The following EXOC6B variants were observed in gnomAD, a reference collection of about 807,000 sequenced individuals.
EXOC6B encodes the protein exocyst complex component 6B.
In EXOC6B, 54 loss-of-function variants were observed where a neutral mutation model predicts 113.5. That is an observed-to-expected ratio of 0.48 (90% CI 0.38 to 0.60). The LOEUF (loss-of-function observed/expected upper bound fraction) is 0.60, where lower values mean the gene tolerates loss of function less well. Among genes scored for constraint, EXOC6B ranks in the 20% least tolerant of loss-of-function variants. EXOC6B has a pLI of 0.00. For missense variants in EXOC6B, 797 were observed against 977.5 expected (o/e 0.82, Z 2.46); for synonymous variants, 357 against 339.0 (o/e 1.05, Z -0.58).
intron 6 of EXOC6B, among the ~76,000 whole-genome samples, chr2:72,636,353 GAAGGAAGGAAGGAAGGAAGC>G (rs1383132791): frequency 0.033 from 4,363 of 131,964 alleles, 249 homozygotes; most frequent in African/African-American, 0.13. Flanking sequence ...AGGAAGGAAG[GAAGGAAGGAAGGAAGGAAGC>G]AAGGAAGCAA....
At position 72,434,432 on chromosome 2, in the gene EXOC6B, G is replaced by A. The variant is rs534097584; in HGVS notation, c.1980+30728C>T. Among the ~76,000 whole-genome samples, 12 of 152,282 alleles carry A rather than the reference G, an allele frequency of 7.9e-5. No homozygotes were observed. In the South Asian group the frequency reaches 2.1e-3, roughly 26 times the overall value. ...ATGTTAGCCTCATAAAATGAGTTAG[G>A]GAGGAGTCCCTCTTTTACTATTGGT... On this transcript the variant is annotated intron_variant, in intron 18 of 21. Transcript: ENST00000272427.
At chr2:72,744,927 T>C (rs182564974) in intron 1 of EXOC6B, among the ~76,000 whole-genome samples, 14 of 152,318 alleles carry the variant, frequency 9.2e-5, no homozygotes, top group Admixed American at 9.1e-4. Flanking sequence ...CCTGACTATG[T>C]GGCCTTCATC....
intron 18 of EXOC6B, among the ~76,000 whole-genome samples, chr2:72,403,340 C>G (rs1330294556): frequency 1.3e-5 from 2 of 152,164 alleles, no homozygotes; most frequent in East Asian, 3.9e-4. Context: ...AGTGTCTTCA[C>G]TGAAGTGGCT....
chr2:72,461,264 C>G (rs1055326235), intron 18 of EXOC6B, among the ~76,000 whole-genome samples: 3 of 147,008 alleles, frequency 2.0e-5, no homozygotes, highest in Non-Finnish European at 4.5e-5. Context: ...TGCTAAATGA[C>G]GAGTTAATGA....
chr2:72,381,404 A>G (rs913364962), intron 18 of EXOC6B, among the ~76,000 whole-genome samples: 10 of 151,988 alleles, frequency 6.6e-5, no homozygotes, highest in East Asian at 1.9e-4. Flanking sequence ...TGTTTTGGCT[A>G]TTATAAACAG....
At chr2:72,437,010 G>C (rs1439800801) in intron 18 of EXOC6B, among the ~76,000 whole-genome samples, 1 of 152,172 alleles carries the variant, frequency 6.6e-6, no homozygotes, top group East Asian at 1.9e-4. Flanking sequence ...CAGCATTTTT[G>C]CGTTAGTTTT....
intron 8 of EXOC6B, among the ~76,000 whole-genome samples, chr2:72,558,302 AAG>A (rs951152493): frequency 1.3e-5 from 2 of 152,122 alleles, no homozygotes; most frequent in African/African-American, 4.8e-5. Context: ...ACAGAGGAGA[AAG>A]AGAGAAGAAA....
chr2:72,245,648 A>C (rs1489045513), intron 20 of EXOC6B, among the ~76,000 whole-genome samples: 1 of 152,178 alleles, frequency 6.6e-6, no homozygotes, highest in Non-Finnish European at 1.5e-5. Flanking sequence ...GGGTTCAGGG[A>C]AAGTGAGGGA....
intron 20 of EXOC6B, among the ~76,000 whole-genome samples, chr2:72,327,860 C>G (rs540718354): frequency 6.6e-6 from 1 of 152,120 alleles, no homozygotes; most frequent in Non-Finnish European, 1.5e-5. Flanking sequence ...CTAATTTCCT[C>G]TGATGGCTCT....
rs551432648 is a variant in EXOC6B, at chr2:72,515,292, C to T, written c.916-166G>A. The T allele has an allele frequency of 7.9e-5, 66 of 836,032 alleles. No homozygotes were observed. The Middle Eastern group carries it at 2.6e-3, about 32-fold the overall frequency. The allele number at this position is 836,032 out of a possible 1,614,324, so 51.8% of individuals were successfully genotyped here. A position where few individuals can be genotyped will look rare whatever the true frequency, so the allele number is the denominator to read the frequency against. On this transcript the variant is annotated intron_variant, in intron 8 of 21. Coordinates refer to ENST00000272427, the MANE Select transcript of EXOC6B (RefSeq NM_015189.3). The stretch of plus-strand genomic sequence containing the variant: ...CAATAGAAAATACAAATAACTATTA[C>T]CATGTATTGAACCTTAGTTACAAAC...
chr2:72,625,890 G>GT (rs751835858), intron 6 of EXOC6B, among the ~76,000 whole-genome samples: 1 of 152,102 alleles, frequency 6.6e-6, no homozygotes, highest in Admixed American at 6.6e-5. Context: ...ATTTACTGTG[G>GT]TTTTTTACAA....
chr2:72,671,104 C>T (rs1472217367), intron 6 of EXOC6B, among the ~76,000 whole-genome samples: 3 of 151,986 alleles, frequency 2.0e-5, no homozygotes, highest in African/African-American at 7.3e-5. Context: ...ACTGGATGGA[C>T]AAAGATTTTT....
At chr2:72,581,690 C>T (rs530450974) in intron 6 of EXOC6B, among the ~76,000 whole-genome samples, 2 of 152,300 alleles carry the variant, frequency 1.3e-5, no homozygotes, top group African/African-American at 4.8e-5. Flanking sequence ...CGCACCCTGC[C>T]CCTGCTGGCC....
intron 1 of EXOC6B, among the ~76,000 whole-genome samples, chr2:72,801,514 T>C (rs918007373): frequency 6.6e-6 from 1 of 152,208 alleles, no homozygotes; most frequent in Non-Finnish European, 1.5e-5. Context: ...TAAAGCACTA[T>C]GTTGACTGTC....
At chr2:72,529,661 C>T (rs1292395925) in intron 8 of EXOC6B, among the ~76,000 whole-genome samples, 2 of 152,168 alleles carry the variant, frequency 1.3e-5, no homozygotes, top group Non-Finnish European at 2.9e-5. Flanking sequence ...TGGGATCTCA[C>T]TATGTTGCCA....
rs994841256 is a variant in EXOC6B, at chr2:72,465,040, C to A, written c.1980+120G>T. The A allele has an allele frequency of 5.7e-5, 43 of 757,592 alleles. 1 individual carries two copies. The Admixed American group carries it at 7.5e-4, about 13-fold the overall frequency. The allele number at this position is 757,592 out of a possible 1,614,324, so 46.9% of individuals were successfully genotyped here. A position where few individuals can be genotyped will look rare whatever the true frequency, so the allele number is the denominator to read the frequency against. ...ATTAAAGGTTAATAAATATAGCATG[C>A]GCCTTTATATACTGAAAATCTTCCT... is the stretch of plus-strand genomic sequence containing the variant. On this transcript the variant is annotated intron_variant, in intron 18 of 21. Coordinates refer to ENST00000272427, the MANE Select transcript of EXOC6B (RefSeq NM_015189.3).
chr2:72,349,392 G>A (rs1274338577), intron 19 of EXOC6B, among the ~76,000 whole-genome samples: 3 of 152,104 alleles, frequency 2.0e-5, no homozygotes, highest in Non-Finnish European at 4.4e-5. Context: ...AATCTGAAGG[G>A]AGGGGCTGGC....
intron 6 of EXOC6B, among the ~76,000 whole-genome samples, chr2:72,706,259 T>C (rs925643457): frequency 4.1e-4 from 62 of 152,266 alleles, no homozygotes; most frequent in African/African-American, 1.5e-3. Context: ...ATGAAATACT[T>C]TCCCAGAGTC....
At chr2:72,425,188 T>C (rs1224014595) in intron 18 of EXOC6B, among the ~76,000 whole-genome samples, 4 of 152,242 alleles carry the variant, frequency 2.6e-5, no homozygotes, top group Non-Finnish European at 5.9e-5. Context: ...TCTTTTGCTT[T>C]ATGGCCTGGA....
Sources: gnomAD v4.1 joint callset for allele counts (sites outside exome capture counted in the v4.1 genomes callset) on GRCh38, gnomAD v4.1.1 for gene constraint, MANE v1.5 for transcripts, NCBI Gene and HGNC (gene_info 2026-07-23, HGNC 2026-07-21) for gene names.